Variants in CSMD3 observed in about 807,000 individuals in gnomAD.
The protein encoded by CSMD3 is CUB and Sushi multiple domains 3.
Under a neutral mutation model 435.2 loss-of-function variants are expected in CSMD3, and 177 were observed. That is an observed-to-expected ratio of 0.41 (90% CI 0.36 to 0.46). CSMD3 has a LOEUF of 0.46. CSMD3 is among the 20% of genes least tolerant of loss of function. The pLI is 0.34. For synonymous variants in CSMD3, 1,656 were observed against 1,520.5 expected (o/e 1.09, Z -2.07); for missense variants, 4,265 against 4,504.6 (o/e 0.95, Z 1.52).
chr8:112,904,002 G>A (rs1385119982), intron 10 of CSMD3, among the ~76,000 whole-genome samples: 1 of 151,346 alleles, frequency 6.6e-6, no homozygotes, highest in Admixed American at 6.6e-5. Flanking sequence ...TGAAGGCACT[G>A]TAAACTTGAG....
chr8:112,589,319 C>T (rs1830982823), intron 22 of CSMD3, among the ~76,000 whole-genome samples: 1 of 152,126 alleles, frequency 6.6e-6, no homozygotes, highest in Non-Finnish European at 1.5e-5. Context: ...CAATCTGAGC[C>T]TTTGAATGTG....
At chr8:113,009,813 T>G (rs896463889) in intron 6 of CSMD3, among the ~76,000 whole-genome samples, 3 of 151,790 alleles carry the variant, frequency 2.0e-5, no homozygotes, top group Non-Finnish European at 4.4e-5. Flanking sequence ...CTCAAGCTGT[T>G]TTATAACTAC....
chr8:112,759,462 T>C (rs1049774871), intron 13 of CSMD3, among the ~76,000 whole-genome samples: 1 of 152,136 alleles, frequency 6.6e-6, no homozygotes, highest in African/African-American at 2.4e-5. Flanking sequence ...TTGAGACTGA[T>C]AAAGAAATCG....
intron 13 of CSMD3, among the ~76,000 whole-genome samples, chr8:112,758,134 C>T (rs2132134015): frequency 6.6e-6 from 1 of 152,006 alleles, no homozygotes; most frequent in African/African-American, 2.4e-5. Flanking sequence ...GCGGGTGGAT[C>T]ACAATGTCAG....
intron 4 of CSMD3, among the ~76,000 whole-genome samples, chr8:113,110,162 T>C (rs912191887): frequency 6.6e-6 from 1 of 152,208 alleles, no homozygotes; most frequent in Non-Finnish European, 1.5e-5. Flanking sequence ...TATTAATCTC[T>C]TTATCAAAGG....
intron 22 of CSMD3, among the ~76,000 whole-genome samples, chr8:112,622,698 C>T (rs886078766): frequency 6.6e-6 from 1 of 152,044 alleles, no homozygotes; most frequent in African/African-American, 2.4e-5. Context: ...ATGAGTATTG[C>T]GTTATCTGGC....
At chr8:112,348,277 T>C (rs920439592) in intron 40 of CSMD3, among the ~76,000 whole-genome samples, 9 of 152,216 alleles carry the variant, frequency 5.9e-5, no homozygotes, top group Non-Finnish European at 1.0e-4. Context: ...TACACTCTTT[T>C]TGTTAGGGAC....
In CSMD3 at chr8:112,774,243, T is replaced by C. The variant is rs1051641572; in HGVS notation, c.1972+25919A>G. Among the ~76,000 whole-genome samples the C allele has an allele frequency of 2.9e-4, 44 of 152,008 alleles. 1 individual carries two copies. Among genetic ancestry groups the C allele is most frequent in the Non-Finnish European group, 8.8e-5 (6 of 67,970 alleles). ...TTCTCACTGACACCTGGGTGCACTG[T>C]TGAGTTTTCAGTTACCTAATTGCCA... is the stretch of plus-strand genomic sequence containing the variant. On this transcript the variant is annotated intron_variant, in intron 13 of 70. Coordinates refer to ENST00000297405, the MANE Select transcript of CSMD3 (RefSeq NM_198123.2).
At chr8:112,387,459 T>C (rs895109833) in intron 36 of CSMD3, among the ~76,000 whole-genome samples, 2 of 115,184 alleles carry the variant, frequency 1.7e-5, no homozygotes, top group African/African-American at 6.0e-5. Flanking sequence ...ATGTAAGTCA[T>C]ATATTATGTG....
intron 22 of CSMD3, among the ~76,000 whole-genome samples, chr8:112,632,199 A>G (rs1051446517): frequency 6.6e-6 from 1 of 152,070 alleles, no homozygotes; most frequent in African/African-American, 2.4e-5. Flanking sequence ...TAGTACAGAC[A>G]GTTCGCATAT....
At chr8:113,343,489 G>A (rs938136995) in intron 1 of CSMD3, among the ~76,000 whole-genome samples, 6 of 152,170 alleles carry the variant, frequency 3.9e-5, no homozygotes, top group African/African-American at 1.4e-4. Context: ...TTGTAGTCCA[G>A]TGTCAAACAG....
intron 38 of CSMD3, among the ~76,000 whole-genome samples, chr8:112,371,434 C>A (rs2131181017): frequency 6.6e-6 from 1 of 152,184 alleles, no homozygotes; most frequent in Admixed American, 6.5e-5. Flanking sequence ...GCACAAGGAG[C>A]TTGTGGCACC....
chr8:113,254,610 A>G (rs1455155601), intron 3 of CSMD3, among the ~76,000 whole-genome samples: 1 of 152,144 alleles, frequency 6.6e-6, no homozygotes, highest in Non-Finnish European at 1.5e-5. Flanking sequence ...AAATTCTACT[A>G]TGAGTTTTAA....
chr8:113,018,855 C>A (rs1186760363), intron 6 of CSMD3: 2 of 554,550 alleles, frequency 3.6e-6, no homozygotes, highest in African/African-American at 3.8e-5. Context: ...TCATAATATT[C>A]ATTATTCTGA....
Position 112,237,342 on chromosome 8 carries a change from T to C in CSMD3, c.10475A>G (p.Asp3492Gly). The stretch of plus-strand genomic sequence containing the variant: ...TATATAATTTTGGGCAAATACATCA[T>C]CAGGAACTGTGAATAGATTAAATAT... ...GTPSPKLSVP[D>G]DVFAQNYIWK... Residue 3492 changes from aspartate (D) to glycine (G), a missense_variant, in exon 67 of 71, where the codon GAT becomes GGT. Asp to Gly is a moderately conservative substitution (Grantham distance 94). This residue lies in a region of CSMD3 where 3,255 missense variants were observed against 3,380.2 expected (regional missense o/e 0.96). Transcript: ENST00000297405. The C allele has an allele frequency of 1.9e-6, 3 of 1,605,972 alleles. No homozygotes were observed. The highest frequency in any genetic ancestry group is 2.6e-6 in the Non-Finnish European group (3 of 1,172,784).
At chr8:112,999,771 GAGAAAAAATGAGGAGT>G (rs2085794507) in intron 6 of CSMD3, among the ~76,000 whole-genome samples, 1 of 151,400 alleles carries the variant, frequency 6.6e-6, no homozygotes, top group Non-Finnish European at 1.5e-5. Flanking sequence ...TTGCTGATAT[GAGAAAAAATGAGGAGT>G]CAAGGATGAT....
chr8:112,262,122 T>C (rs1191109757), intron 61 of CSMD3, among the ~76,000 whole-genome samples: 2 of 152,114 alleles, frequency 1.3e-5, no homozygotes, highest in African/African-American at 4.8e-5. Context: ...AGATTCTAAA[T>C]GTTTAAAACT....
At chr8:112,808,339 T>G (rs1167669785) in intron 12 of CSMD3, among the ~76,000 whole-genome samples, 1 of 151,940 alleles carries the variant, frequency 6.6e-6, no homozygotes, top group Non-Finnish European at 1.5e-5. Flanking sequence ...AGAAAGGAAG[T>G]CATCTTATTG....
intron 10 of CSMD3, among the ~76,000 whole-genome samples, chr8:112,900,588 A>T (rs1587621139): frequency 6.6e-6 from 1 of 151,216 alleles, no homozygotes; most frequent in African/African-American, 2.4e-5. Context: ...TGACCCAGGC[A>T]CCTTTTGACT....
Sources: allele counts gnomAD v4.1 joint callset (sites outside exome capture counted in the v4.1 genomes callset), GRCh38; gene constraint gnomAD v4.1.1; regional missense constraint gnomAD v4.1.1; transcripts MANE v1.5; gene names NCBI Gene and HGNC (gene_info 2026-07-23, HGNC 2026-07-21).